EIF5B: variants seen among roughly 807,000 people sequenced by gnomAD.
The protein encoded by EIF5B is eIF-5B.
EIF5B carries 47 observed loss-of-function variants against 147.5 expected under a neutral mutation model. The observed-to-expected ratio is 0.32, with a 90% CI of 0.25 to 0.41. EIF5B has a LOEUF of 0.41. EIF5B is among the 10% of genes least tolerant of loss of function. The pLI is 1.00. For missense variants in EIF5B, 1,064 were observed against 1,413.2 expected, an observed-to-expected ratio of 0.75 and a Z score of 3.96; for synonymous variants, 455 against 456.2, an observed-to-expected ratio of 1.00 and a Z score of 0.03.
intron 9 of EIF5B, among the ~76,000 whole-genome samples, chr2:99,373,345 G>C (rs1456873480): frequency 1.3e-5 from 2 of 152,316 alleles, no homozygotes; most frequent in Non-Finnish European, 2.9e-5. Flanking sequence ...TTGGTGCCTG[G>C]TAAAGGCTGC....
intron 4 of EIF5B, 135 bp from the exon 5 acceptor site, chr2:99,363,510 G>A (rs1281777204): frequency 7.2e-6 from 6 of 827,772 alleles, no homozygotes; most frequent in Middle Eastern, 3.7e-4. Flanking sequence ...ATGCCTTGAT[G>A]CCTGTAGAAC....
chr2:99,339,841 T>G (rs915228747), intron 1 of EIF5B, among the ~76,000 whole-genome samples: 1 of 152,204 alleles, frequency 6.6e-6, no homozygotes, highest in Non-Finnish European at 1.5e-5. Flanking sequence ...CACTAGACCC[T>G]GTTGTTAAAT....
intron 9 of EIF5B, among the ~76,000 whole-genome samples, chr2:99,375,520 A>C (rs1002311502): frequency 1.3e-5 from 2 of 152,146 alleles, no homozygotes; most frequent in African/African-American, 4.8e-5. Flanking sequence ...ACCCCACTGA[A>C]TTCTTAGTAT....
chr2:99,378,062 G>C (rs924188135), intron 10 of EIF5B, among the ~76,000 whole-genome samples: 1 of 152,132 alleles, frequency 6.6e-6, no homozygotes, highest in Non-Finnish European at 1.5e-5. Flanking sequence ...GTACTGTGAG[G>C]TTGTCGGGTA....
At chr2:99,348,167 G>C (rs2094277254) in intron 1 of EIF5B, among the ~76,000 whole-genome samples, 1 of 152,212 alleles carries the variant, frequency 6.6e-6, no homozygotes, top group African/African-American at 2.4e-5. Context: ...GCTGAATTTT[G>C]TAGAAGGTGA....
intron 9 of EIF5B, among the ~76,000 whole-genome samples, chr2:99,374,494 G>GA (rs1171318598): frequency 6.6e-6 from 1 of 151,814 alleles, no homozygotes. Context: ...ACACTTTAGA[G>GA]TTTTTTTTAG....
intron 9 of EIF5B, among the ~76,000 whole-genome samples, chr2:99,372,332 T>G (rs561926021): frequency 5.3e-5 from 8 of 152,158 alleles, no homozygotes; most frequent in African/African-American, 1.9e-4. Context: ...TTTACAAGAT[T>G]TATTTAGTGT....
chr2:99,339,909 G>GTTT (rs1485711709), intron 1 of EIF5B, among the ~76,000 whole-genome samples: 1 of 151,670 alleles, frequency 6.6e-6, no homozygotes. Context: ...CCTAATCTGT[G>GTTT]TTTTGTTGTT....
At chr2:99,372,305 A>G (rs886959705) in intron 9 of EIF5B, among the ~76,000 whole-genome samples, 4 of 151,726 alleles carry the variant, frequency 2.6e-5, no homozygotes, top group African/African-American at 9.7e-5. Flanking sequence ...TCTCATTTTC[A>G]TTTTGATGTA....
At position 99,338,993 on chromosome 2, in the gene EIF5B, A is replaced by AATATATATATATACAAATAT. The variant is rs11272483; in HGVS notation, c.35+1415_35+1416insTACAAATATATATATATATA. Among the ~76,000 whole-genome samples the AATATATATATATACAAATAT allele has an allele frequency of 2.9e-4, 39 of 132,726 alleles. 2 individuals are homozygous for AATATATATATATACAAATAT. The highest frequency in any genetic ancestry group is 2.7e-4 in the Non-Finnish European group (17 of 62,572). The allele number at this position is 132,726 out of a possible 152,430, so 87.1% of individuals were successfully genotyped here. On this transcript the variant is annotated intron_variant, in intron 1 of 23. Transcript: ENST00000289371. Reference sequence around the variant, plus strand: ...ATATATATATACAAATATATACACAAATATATATATACATTTTTTTTTTTT... The same window carrying AATATATATATATACAAATAT: ...ATATATATATACAAATATATACACAAATATATATATATACAAATATATATATATATACATTTTTTTTTTTT...
chr2:99,338,067 T>C (rs965959024), intron 1 of EIF5B, among the ~76,000 whole-genome samples: 3 of 152,218 alleles, frequency 2.0e-5, no homozygotes, highest in African/African-American at 7.2e-5. Flanking sequence ...GGGGAGGTGT[T>C]TAGCAGTTCG....
intron 3 of EIF5B, 150 bp downstream of exon 3, chr2:99,360,699 T>C (rs1674190801): frequency 3.1e-6 from 2 of 644,684 alleles, no homozygotes; most frequent in African/African-American, 3.7e-5. Flanking sequence ...AAGGGAAAAA[T>C]AGGAATGTAA....
intron 1 of EIF5B, among the ~76,000 whole-genome samples, chr2:99,348,527 A>G (rs534442531): frequency 2.6e-5 from 4 of 152,258 alleles, no homozygotes; most frequent in African/African-American, 9.6e-5. Context: ...ATGAGATGTC[A>G]GAAGGTAACC....
chr2:99,343,276 G>C (rs1313184752), intron 1 of EIF5B, among the ~76,000 whole-genome samples: 6 of 150,900 alleles, frequency 4.0e-5, no homozygotes, highest in African/African-American at 1.5e-4. Context: ...TTTTATTGTT[G>C]GGTTGTAAGA....
At chr2:99,369,354 CA>C (rs749373529) in intron 7 of EIF5B, 37 bp from the exon 8 acceptor site, 601 of 1,520,126 alleles carry the variant, frequency 4.0e-4, no homozygotes, top group South Asian at 6.7e-4. Context: ...AATTATACAC[CA>C]AAAAAAATAT....
chr2:99,399,273 T>A, intron 23 of EIF5B, 34 bp from the exon 24 acceptor site: 1 of 1,601,156 alleles, frequency 6.2e-7, no homozygotes, highest in Non-Finnish European at 8.6e-7. Flanking sequence ...TTTGTTATGT[T>A]CTGTTTACCC....
intron 1 of EIF5B, among the ~76,000 whole-genome samples, chr2:99,346,587 C>CTTT (rs1254767326): frequency 1.2e-5 from 1 of 82,044 alleles, no homozygotes; most frequent in African/African-American, 4.1e-5. Context: ...TAAGTTGTAT[C>CTTT]TCTTTTTTTT....
chr2:99,392,830 TCA>T lies in EIF5B; in HGVS notation c.2749-136_2749-135del, dbSNP rs1285943421. 4.4e-6 allele frequency: 3 copies of T among 683,138 alleles called. No individual in the cohort carries two copies. In the Admixed American group the frequency reaches 1.2e-4, roughly 27 times the overall value. The allele number at this position is 683,138 out of a possible 1,614,324, so 42.3% of individuals were successfully genotyped here. A position where few individuals can be genotyped will look rare whatever the true frequency, so the allele number is the denominator to read the frequency against. ...ATATTTAATTTTAATGTTAAATTTA[TCA>T]GTCTTGTGATTATTGCTTTTTGTGC... On this transcript the variant is annotated intron_variant, in intron 17 of 23. Coordinates refer to ENST00000289371, the MANE Select transcript of EIF5B (RefSeq NM_015904.4).
intron 6 of EIF5B, among the ~76,000 whole-genome samples, chr2:99,365,368 A>G (rs1215982242): frequency 2.0e-5 from 3 of 152,230 alleles, no homozygotes; most frequent in African/African-American, 7.2e-5. Context: ...TGGTCTGTGC[A>G]ACTTTTTCTT....
Sources: allele counts gnomAD v4.1 joint callset (sites outside exome capture counted in the v4.1 genomes callset), GRCh38; gene constraint gnomAD v4.1.1; transcripts MANE v1.5; gene names NCBI Gene and HGNC (gene_info 2026-07-23, HGNC 2026-07-21).